Variants in MPPED2 observed in about 807,000 individuals in gnomAD.
MPPED2 encodes metallophosphoesterase domain containing 2, also known as metallophosphoesterase MPPED2.
In MPPED2, 5 loss-of-function variants were observed where a neutral mutation model predicts 33.0. The observed-to-expected ratio is 0.15, with a 90% CI of 0.08 to 0.32. MPPED2 has a LOEUF of 0.32. MPPED2 is among the 10% of genes least tolerant of loss of function. MPPED2 has a pLI of 1.00. For missense variants in MPPED2, 275 were observed against 372.1 expected, an observed-to-expected ratio of 0.74 and a Z score of 2.15; for synonymous variants, 136 against 141.9, an observed-to-expected ratio of 0.96 and a Z score of 0.29.
At chr11:30,475,463 T>A (rs1951145975) in intron 4 of MPPED2, among the ~76,000 whole-genome samples, 1 of 152,128 alleles carries the variant, frequency 6.6e-6, no homozygotes, top group African/African-American at 2.4e-5. Flanking sequence ...TTTCCCTCTG[T>A]CCCCAGTCCA....
At chr11:30,473,374 A>G (rs1951034365) in intron 4 of MPPED2, among the ~76,000 whole-genome samples, 1 of 152,152 alleles carries the variant, frequency 6.6e-6, no homozygotes, top group South Asian at 2.1e-4. Flanking sequence ...CATCTTGCCA[A>G]AGGTCCTACC....
intron 2 of MPPED2, among the ~76,000 whole-genome samples, chr11:30,549,218 C>T (rs1016685393): frequency 3.3e-5 from 5 of 152,170 alleles, no homozygotes; most frequent in African/African-American, 9.7e-5. Context: ...TTATCCTGGA[C>T]GTAACTGCTT....
chr11:30,580,361 T>A lies in MPPED2; in HGVS notation c.13A>T (p.Ile5Phe). 1 of 1,614,066 alleles carries A rather than the reference T, an allele frequency of 6.2e-7. No individual in the cohort carries two copies. Among genetic ancestry groups the A allele is most frequent in the African/African-American group, 1.3e-5 (1 of 75,010 alleles). MAHG[I>F]PSQGKVTITV... ...ATGGTAACTTTGCCTTGAGAAGGAA[T>A]CCCATGTGCCATCCTTCCTCCCTAT... Residue 5 changes from isoleucine (I) to phenylalanine (F), a missense_variant, in exon 2 of 7, where the codon ATT becomes TTT. By Grantham distance (21) the Ile-to-Phe change is conservative. Transcript: ENST00000358117.
intron 3 of MPPED2, among the ~76,000 whole-genome samples, chr11:30,507,147 A>G (rs1036048243): frequency 4.6e-5 from 7 of 152,258 alleles, no homozygotes; most frequent in African/African-American, 1.7e-4. Context: ...TTTTGTCAAT[A>G]AGCAAAACCA....
intron 4 of MPPED2, among the ~76,000 whole-genome samples, chr11:30,489,837 C>G (rs1264943401): frequency 6.6e-6 from 1 of 152,182 alleles, no homozygotes; most frequent in South Asian, 2.1e-4. Context: ...AACAATACAA[C>G]TGCTCTGCTC....
chr11:30,412,617 G>T (rs986828326), intron 6 of MPPED2, among the ~76,000 whole-genome samples: 4 of 152,112 alleles, frequency 2.6e-5, no homozygotes, highest in Non-Finnish European at 5.9e-5. Context: ...GAAAAGAAAA[G>T]AGGCATTTAA....
intron 2 of MPPED2, among the ~76,000 whole-genome samples, chr11:30,554,832 G>GTGTC (rs1440338287): frequency 6.6e-6 from 1 of 152,092 alleles, no homozygotes; most frequent in Non-Finnish European, 1.5e-5. Flanking sequence ...ATCCCCACGT[G>GTGTC]TGTCTGTCCT....
At position 30,411,116 on chromosome 11, in the gene MPPED2, G is replaced by A; in HGVS notation, c.*352C>T. On this transcript the variant is annotated 3_prime_UTR_variant, in exon 7 of 7. Transcript: ENST00000358117. ...AATCTGTGTTGGTTTTTAAAACACTGCCTGTTTCTTATTTTTTTTTCTTTC... is the reference window on the plus strand; with the variant it reads ...AATCTGTGTTGGTTTTTAAAACACTACCTGTTTCTTATTTTTTTTTCTTTC... The A allele has an allele frequency of 1.0e-6, 1 of 992,836 alleles. No individual in the cohort carries two copies. The highest frequency in any genetic ancestry group is 1.2e-6 in the Non-Finnish European group (1 of 834,526). 61.5% of individuals were successfully genotyped at this position (992,836 alleles called of 1,614,324 possible).
intron 4 of MPPED2, among the ~76,000 whole-genome samples, chr11:30,434,040 C>T (rs1243248260): frequency 1.3e-5 from 2 of 152,204 alleles, no homozygotes; most frequent in Admixed American, 6.5e-5. Flanking sequence ...CCACAACTCT[C>T]ACTCTGACCC....
At chr11:30,408,167 C>T (rs558755124), downstream of MPPED2, among the ~76,000 whole-genome samples, 1 of 152,316 alleles carries the variant, frequency 6.6e-6, no homozygotes, top group East Asian at 1.9e-4. Context: ...CCACACTGTC[C>T]CAAGGGTCAG....
Position 30,495,382 on chromosome 11 carries a change from G to A in MPPED2, c.450C>T (p.Asp150=). ...TGTTTGTCAGGAGGGACTGAACATT[G>A]TCAAAGTCCTCTGGTTTCAATTTGG... is the stretch of plus-strand genomic sequence containing the variant. The part of the protein sequence containing the change: ...SVSKLKPEDF[D]NVQSLLTNSI... Residue 150 remains aspartate, a synonymous_variant, in exon 4 of 7, where the codon GAC becomes GAT. Transcript: ENST00000358117. 1 of 1,614,104 alleles carries A rather than the reference G, an allele frequency of 6.2e-7. No individual in the cohort carries two copies. Among genetic ancestry groups the A allele is most frequent in the Non-Finnish European group, 8.5e-7 (1 of 1,179,976 alleles).
intron 2 of MPPED2, among the ~76,000 whole-genome samples, chr11:30,557,388 C>A (rs1352836800): frequency 6.6e-6 from 1 of 151,680 alleles, no homozygotes. Flanking sequence ...TTCAAATATA[C>A]TTTGGAAATT....
intron 3 of MPPED2, among the ~76,000 whole-genome samples, chr11:30,509,887 T>G (rs1232299449): frequency 6.6e-6 from 1 of 152,224 alleles, no homozygotes; most frequent in Non-Finnish European, 1.5e-5. Context: ...TCAGAACTTC[T>G]GATTTTGCAG....
At chr11:30,416,293 G>A (rs2133762669) in intron 5 of MPPED2, among the ~76,000 whole-genome samples, 1 of 152,342 alleles carries the variant, frequency 6.6e-6, no homozygotes, top group East Asian at 1.9e-4. Flanking sequence ...ACTAAAATGT[G>A]CCACTATGGC....
intron 3 of MPPED2, among the ~76,000 whole-genome samples, chr11:30,515,366 T>C (rs923745315): frequency 1.3e-5 from 2 of 152,102 alleles, no homozygotes; most frequent in Non-Finnish European, 2.9e-5. Flanking sequence ...AAAGCTCCAA[T>C]TATGAGGACT....
chr11:30,512,805 A>G (rs1307133914), intron 3 of MPPED2, among the ~76,000 whole-genome samples: 1 of 152,184 alleles, frequency 6.6e-6, no homozygotes, highest in African/African-American at 2.4e-5. Context: ...GTTCAAGACC[A>G]GCCTGGTCAA....
chr11:30,486,540 G>A (rs1590508052), intron 4 of MPPED2, among the ~76,000 whole-genome samples: 2 of 152,106 alleles, frequency 1.3e-5, no homozygotes, highest in African/African-American at 2.4e-5. Flanking sequence ...TTGAAGCGAC[G>A]GTCTCTGTAA....
chr11:30,497,197 T>C (rs1022316068), intron 3 of MPPED2, among the ~76,000 whole-genome samples: 8 of 152,174 alleles, frequency 5.3e-5, no homozygotes, highest in Admixed American at 5.2e-4. Context: ...ATGATGTACA[T>C]AGCAAGTTGT....
intron 4 of MPPED2, among the ~76,000 whole-genome samples, chr11:30,488,665 G>A (rs1951842313): frequency 6.6e-6 from 1 of 152,212 alleles, no homozygotes; most frequent in Non-Finnish European, 1.5e-5. Context: ...AAGTGAATCT[G>A]ATCCGGGCTT....
Sources: allele counts gnomAD v4.1 joint callset (sites outside exome capture counted in the v4.1 genomes callset), GRCh38; gene constraint gnomAD v4.1.1; transcripts MANE v1.5; gene names NCBI Gene and HGNC (gene_info 2026-07-23, HGNC 2026-07-21).